AKR1B1: variants seen among roughly 807,000 people sequenced by gnomAD.
The protein encoded by AKR1B1 is aldo-keto reductase family 1 member B.
AKR1B1 carries 22 observed loss-of-function variants against 40.4 expected under a neutral mutation model. That is an observed-to-expected ratio of 0.54 (90% CI 0.39 to 0.78). AKR1B1 has a LOEUF of 0.78. Ranked by LOEUF, AKR1B1 falls within the 30% of genes least tolerant of loss-of-function variation. AKR1B1 has a pLI of 0.00. For synonymous variants in AKR1B1, 157 were observed against 149.9 expected (o/e 1.05, Z -0.35); for missense variants, 357 against 396.7 (o/e 0.90, Z 0.85).
Position 134,450,913 on chromosome 7 carries a change from G to A in AKR1B1, c.235-11C>T, listed in dbSNP as rs13306161. On this transcript the variant is annotated splice_polypyrimidine_tract_variant and intron_variant, in intron 2 of 9. Transcript: ENST00000285930. ...GTACGTGCACCACAGCTAAGCCAGCGAGAGGGCACATGTCATCATTGCCAG... is the reference window on the plus strand; with the variant it reads ...GTACGTGCACCACAGCTAAGCCAGCAAGAGGGCACATGTCATCATTGCCAG... 3.2e-5 allele frequency: 52 copies of A among 1,608,496 alleles called. No homozygotes were observed. In the Admixed American group the frequency reaches 7.0e-4, roughly 22 times the overall value.
chr7:134,459,211 T>C (rs911491332), upstream of AKR1B1: 1 of 946,730 alleles, frequency 1.1e-6, no homozygotes, highest in Non-Finnish European at 1.6e-6. Flanking sequence ...GCGCTGGGGG[T>C]GCCGCGGCGG....
chr7:134,458,128 A>G (rs1394810946), intron 1 of AKR1B1, among the ~76,000 whole-genome samples: 6 of 152,050 alleles, frequency 3.9e-5, no homozygotes, highest in Non-Finnish European at 1.5e-5. Context: ...TTGTTGCTCA[A>G]TTTTCAGATA....
At chr7:134,451,271 T>A in intron 2 of AKR1B1, 1 of 530,538 alleles carries the variant, frequency 1.9e-6, no homozygotes, top group Non-Finnish European at 3.4e-6. Context: ...TGGCTAGCAC[T>A]GGAGATTCAG....
intron 2 of AKR1B1, among the ~76,000 whole-genome samples, chr7:134,451,121 A>G (rs139672956): frequency 1.3e-5 from 2 of 152,286 alleles, no homozygotes; most frequent in East Asian, 3.9e-4. Context: ...AGGACACAAA[A>G]TGGAATGGAC....
rs554523867 is a variant in AKR1B1 at position 134,459,084 on chromosome 7, C to T, written c.-22G>A. 3.1e-6 allele frequency: 5 copies of T among 1,595,598 alleles called. No individual in the cohort carries two copies. The highest frequency in any genetic ancestry group is 3.3e-4 in the Middle Eastern group (2 of 5,994). Reference sequence around the variant, plus strand: ...CCATGGCTGCTGCGCTCCCCAGACCCCCGCCCAGTACGGTGCGGCCTTGGC... The same window carrying T: ...CCATGGCTGCTGCGCTCCCCAGACCTCCGCCCAGTACGGTGCGGCCTTGGC... On this transcript the variant is annotated 5_prime_UTR_variant, in exon 1 of 10. Coordinates refer to ENST00000285930, the MANE Select transcript of AKR1B1 (RefSeq NM_001628.4).
chr7:134,458,675 C>T (rs1274012122), intron 1 of AKR1B1, among the ~76,000 whole-genome samples: 1 of 152,176 alleles, frequency 6.6e-6, no homozygotes, highest in Non-Finnish European at 1.5e-5. Flanking sequence ...CCGCTTGGGG[C>T]GCCCGCTAGG....
At chr7:134,442,803 T>G (rs758914741) in intron 9 of AKR1B1, 33 bp from the exon 10 acceptor site, 4 of 1,608,134 alleles carry the variant, frequency 2.5e-6, no homozygotes, top group Non-Finnish European at 3.4e-6. Flanking sequence ...AGTTGCTTTT[T>G]GAAGAGGTGA....
At position 134,451,713 on chromosome 7, in the gene AKR1B1, A is replaced by G; in HGVS notation, c.107T>C (p.Ile36Thr). Reference protein sequence around the residue: ...GQVTEAVKVAIDVGYRHIDCA... With the variant: ...GQVTEAVKVATDVGYRHIDCA... ...GTCGATGTGGCGGTACCCGACGTCA[A>G]TGGCCACCTTCACGGCCTCAGTCAC... Residue 36 changes from isoleucine to threonine, a missense_variant, in exon 2 of 10, where the codon ATT becomes ACT. Physicochemically the swap from Ile to Thr is moderately conservative, Grantham distance 89. Transcript: ENST00000285930. The G allele has an allele frequency of 1.2e-6, 2 of 1,614,174 alleles. No homozygotes were observed. The highest frequency in any genetic ancestry group is 1.7e-6 in the Non-Finnish European group (2 of 1,180,036).
At chr7:134,449,569 A>G (rs1158478300) in intron 4 of AKR1B1, 151 bp downstream of exon 4, 1 of 713,840 alleles carries the variant, frequency 1.4e-6, no homozygotes, top group Non-Finnish European at 2.4e-6. Flanking sequence ...CCTGGGCAAC[A>G]GAGGGAGACC....
intron 1 of AKR1B1, among the ~76,000 whole-genome samples, chr7:134,456,960 A>G (rs921961903): frequency 6.6e-6 from 1 of 152,112 alleles, no homozygotes; most frequent in African/African-American, 2.4e-5. Context: ...ACATAGGGAA[A>G]CCTGTCTCTA....
At chr7:134,459,135 G>C, upstream of AKR1B1, 1 of 1,530,156 alleles carries the variant, frequency 6.5e-7, no homozygotes, top group East Asian at 2.4e-5. Context: ...TAAATAGCCC[G>C]TGAGGTCGGC....
chr7:134,459,218 G>A (rs1562913125), upstream of AKR1B1: 5 of 896,402 alleles, frequency 5.6e-6, no homozygotes, highest in East Asian at 2.7e-5. Flanking sequence ...GGGTGCCGCG[G>A]CGGCCTTCCC....
chr7:134,451,669 T>G lies in AKR1B1; in HGVS notation c.151A>C (p.Asn51His). The change falls in exon 2 of 10, where the codon AAT becomes CAT. Residue 51 changes from asparagine (N) to histidine (H), a missense_variant. Asn to His is a moderately conservative substitution (Grantham distance 68). Transcript: ENST00000285930. ...RHIDCAHVYQ[N>H]ENEVGVAIQE... is the part of the protein sequence containing the mutation. ...ATGGCCACCCCCACCTCATTCTCAT[T>G]CTGGTACACATGGGCACAGTCGATG... The G allele has an allele frequency of 6.2e-7, 1 of 1,614,126 alleles. No individual in the cohort carries two copies.
chr7:134,459,110 C>T (rs1176569201), upstream of AKR1B1: 5 of 1,571,958 alleles, frequency 3.2e-6, no homozygotes, highest in African/African-American at 1.4e-5. Context: ...CGGCCTTGGC[C>T]GCGGCGCGTA....
chr7:134,456,227 T>A (rs1806467257), intron 1 of AKR1B1, among the ~76,000 whole-genome samples: 1 of 151,796 alleles, frequency 6.6e-6, no homozygotes, highest in Non-Finnish European at 1.5e-5. Flanking sequence ...TTAGATGGAG[T>A]CTTGCTCCAT....
chr7:134,453,635 A>G (rs1306322205), intron 1 of AKR1B1, among the ~76,000 whole-genome samples: 1 of 152,180 alleles, frequency 6.6e-6, no homozygotes, highest in Non-Finnish European at 1.5e-5. Context: ...CGACATGAAA[A>G]AAAAGTTGTG....
chr7:134,450,753 C>T, intron 3 of AKR1B1, 33 bp downstream of exon 3: 4 of 1,576,398 alleles, frequency 2.5e-6, no homozygotes, highest in Non-Finnish European at 3.5e-6. Flanking sequence ...ACCTGAGCCC[C>T]AAGGGACCTG....
At position 134,454,236 on chromosome 7, in the gene AKR1B1, G is replaced by A. The variant is rs1806394365; in HGVS notation, c.67-2483C>T. ...CTCCCAGAACTTCTGGCTCTGCAAA[G>A]CTCTACGTTGGGCAGTGACTTGAAA... On this transcript the variant is annotated intron_variant, in intron 1 of 9. Transcript: ENST00000285930. 2.6e-5 allele frequency among the ~76,000 whole-genome samples: 4 copies of A among 152,208 alleles called. No homozygotes were observed. The East Asian group carries it at 7.7e-4, about 29-fold the overall frequency.
In AKR1B1 at chr7:134,445,312, G is replaced by A; in HGVS notation, c.834C>T (p.Asp278=). ...TCATATCCTGGCTGCTCAGTTCAAA[G>A]TCAAAGACCTAAAAAACAAACAAAA... ...ERIAENFKVF[D]FELSSQDMTT... is the part of the protein sequence containing the mutation. Residue 278 remains aspartate (D), a synonymous_variant, in exon 9 of 10, where the codon GAC becomes GAT. Transcript: ENST00000285930. The A allele has an allele frequency of 6.2e-7, 1 of 1,612,546 alleles. No homozygotes were observed. Among genetic ancestry groups the A allele is most frequent in the South Asian group, 1.1e-5 (1 of 90,480 alleles).
Sources: allele counts gnomAD v4.1 joint callset (sites outside exome capture counted in the v4.1 genomes callset), GRCh38; gene constraint gnomAD v4.1.1; transcripts MANE v1.5; gene names NCBI Gene and HGNC (gene_info 2026-07-23, HGNC 2026-07-21).